Variants in MITF observed in about 807,000 individuals in gnomAD.
MITF encodes the protein melanocyte inducing transcription factor.
Under a neutral mutation model 60.5 loss-of-function variants are expected in MITF, and 17 were observed. The ratio of observed to expected loss-of-function variants is 0.28; its 90% CI spans 0.19 to 0.42. The LOEUF is 0.42. MITF is among the 10% of genes least tolerant of loss of function. The pLI, the probability that MITF is intolerant of heterozygous loss-of-function variation, is 1.00. For missense variants in MITF, 622 were observed against 683.5 expected, an observed-to-expected ratio of 0.91 and a Z score of 1.00; for synonymous variants, 260 against 248.5, an observed-to-expected ratio of 1.05 and a Z score of -0.43.
intron 1 of MITF, among the ~76,000 whole-genome samples, chr3:69,867,143 C>A (rs1479448849): frequency 1.3e-5 from 2 of 152,114 alleles, no homozygotes; most frequent in African/African-American, 4.8e-5. Context: ...TCAAGCAAAT[C>A]AACTTATGCA....
At chr3:69,868,401 T>C (rs1177925971) in intron 1 of MITF, among the ~76,000 whole-genome samples, 1 of 152,164 alleles carries the variant, frequency 6.6e-6, no homozygotes, top group South Asian at 2.1e-4. Context: ...CTATTATCTG[T>C]TGTGGTCTGT....
intron 1 of MITF, among the ~76,000 whole-genome samples, chr3:69,843,768 A>T (rs1428906179): frequency 1.3e-5 from 2 of 152,066 alleles, no homozygotes; most frequent in Non-Finnish European, 2.9e-5. Flanking sequence ...TTGTACTTTA[A>T]GTTCTGGGAT....
chr3:69,895,364 A>G (rs745755153), intron 2 of MITF, among the ~76,000 whole-genome samples: 1 of 152,166 alleles, frequency 6.6e-6, no homozygotes, highest in African/African-American at 2.4e-5. Flanking sequence ...TGTTTTGCCA[A>G]TTATAATAAT....
intron 1 of MITF, among the ~76,000 whole-genome samples, chr3:69,783,709 G>A (rs1219935546): frequency 6.6e-6 from 1 of 151,126 alleles, no homozygotes; most frequent in Non-Finnish European, 1.5e-5. Context: ...GTTTTTTTTT[G>A]TTCGTGTATG....
intron 8 of MITF, among the ~76,000 whole-genome samples, chr3:69,957,440 C>A (rs575885302): frequency 1.3e-5 from 2 of 151,946 alleles, no homozygotes; most frequent in Non-Finnish European, 2.9e-5. Flanking sequence ...TAAAATAAAA[C>A]CATTACCTAT....
In MITF at chr3:69,830,720, T is replaced by C. The variant is rs2063432509; in HGVS notation, c.105-48414T>C. Among the ~76,000 whole-genome samples, 7 of 151,942 alleles carry C rather than the reference T, an allele frequency of 4.6e-5. 2 individuals are homozygous for C. In the South Asian group the frequency reaches 1.5e-3, roughly 31 times the overall value. On this transcript the variant is annotated intron_variant, in intron 1 of 9. Transcript: ENST00000352241. Reference sequence around the variant, plus strand: ...GTAAATGAAAAGGGGGTTCAATAAATGAATGAACAGATATGATATCTGTCT... The same window carrying C: ...GTAAATGAAAAGGGGGTTCAATAAACGAATGAACAGATATGATATCTGTCT...
At chr3:69,766,896 C>G (rs1213942199) in intron 1 of MITF, among the ~76,000 whole-genome samples, 1 of 152,186 alleles carries the variant, frequency 6.6e-6, no homozygotes, top group Non-Finnish European at 1.5e-5. Flanking sequence ...TGTACCTTCT[C>G]CTTTTGGATT....
In MITF at chr3:69,938,000, C is replaced by G; in HGVS notation, c.533C>G (p.Pro178Arg). The G allele has an allele frequency of 6.2e-7, 1 of 1,614,178 alleles. No individual in the cohort carries two copies. Among genetic ancestry groups the G allele is most frequent in the African/African-American group, 1.3e-5 (1 of 75,064 alleles). The change falls in exon 3 of 10, where the codon CCC becomes CGC. Residue 178 changes from proline (P) to arginine (R), a missense_variant. Around this residue, in one of 5 missense-constraint regions of MITF, gnomAD observed 215 missense variants for 224.8 expected, o/e 0.96. Transcript: ENST00000352241. ...CCACCGGTGCCGGGGAGCAGCGCAC[C>G]CAACAGCCCCATGGCTATGCTTACG... Reference protein sequence around the residue: ...VMPPVPGSSAPNSPMAMLTLN... With the variant: ...VMPPVPGSSARNSPMAMLTLN...
intron 2 of MITF, among the ~76,000 whole-genome samples, chr3:69,889,254 C>G (rs937525472): frequency 6.6e-6 from 1 of 151,478 alleles, no homozygotes; most frequent in African/African-American, 2.4e-5. Flanking sequence ...TAATCAGGGT[C>G]CCTGTTGAAA....
chr3:69,807,698 G>C (rs1311785029), intron 1 of MITF, among the ~76,000 whole-genome samples: 1 of 152,026 alleles, frequency 6.6e-6, no homozygotes, highest in Non-Finnish European at 1.5e-5. Context: ...CCTTTATTTG[G>C]GTCAAAATGT....
rs569606679 is a variant in MITF at position 69,884,804 on chromosome 3, T to A, written c.354+5421T>A. On this transcript the variant is annotated intron_variant, in intron 2 of 9. Coordinates refer to ENST00000352241, the MANE Select transcript of MITF (RefSeq NM_001354604.2). ...GCTTTTAGTGACTAGTAGCTAGTAA[T>A]GAAATGCTGGCTGCAGAAAGTCATC... 2.0e-5 allele frequency among the ~76,000 whole-genome samples: 3 copies of A among 152,298 alleles called. No homozygotes were observed. The South Asian group carries it at 6.2e-4, about 32-fold the overall frequency.
At chr3:69,927,200 C>A (rs1037760998) in intron 2 of MITF, among the ~76,000 whole-genome samples, 3 of 151,702 alleles carry the variant, frequency 2.0e-5, no homozygotes, top group Non-Finnish European at 2.9e-5. Flanking sequence ...GTGTTTTTAA[C>A]CTGCTTTATG....
intron 2 of MITF, among the ~76,000 whole-genome samples, chr3:69,916,446 T>C (rs1189538612): frequency 6.6e-6 from 1 of 152,198 alleles, no homozygotes; most frequent in African/African-American, 2.4e-5. Context: ...GTATACTTGA[T>C]TTATACCTTT....
chr3:69,895,561 A>G (rs1303915984), intron 2 of MITF, among the ~76,000 whole-genome samples: 2 of 151,940 alleles, frequency 1.3e-5, no homozygotes, highest in East Asian at 1.9e-4. Flanking sequence ...TAAATCCCTA[A>G]TATTAAAATT....
intron 1 of MITF, among the ~76,000 whole-genome samples, chr3:69,871,880 C>T (rs966324344): frequency 6.6e-6 from 1 of 152,056 alleles, no homozygotes; most frequent in African/African-American, 2.4e-5. Flanking sequence ...TTAAAAATTG[C>T]TTTTTCTTTT....
rs72318666 is a variant in MITF at position 69,750,383 on chromosome 3, C to CTT, written c.104+10699_104+10700dup. Among the ~76,000 whole-genome samples the CTT allele has an allele frequency of 4.3e-3, 486 of 113,856 alleles. 4 individuals are homozygous for CTT. Among genetic ancestry groups the CTT allele is most frequent in the African/African-American group, 0.015 (451 of 29,410 alleles). 74.7% of individuals were successfully genotyped at this position (113,856 alleles called of 152,430 possible). ...TTCTAGAGGAAACTATAGAGCTTTC[C>CTT]TTTTTTTTTTTTTTTTTTCCTTTTT... On this transcript the variant is annotated intron_variant, in intron 1 of 9. Transcript: ENST00000352241.
At chr3:69,821,990 G>A (rs1329055988) in intron 1 of MITF, among the ~76,000 whole-genome samples, 1 of 152,130 alleles carries the variant, frequency 6.6e-6, no homozygotes, top group African/African-American at 2.4e-5. Context: ...TGTTCCACCC[G>A]CCTTGGCCTC....
chr3:69,783,044 G>A (rs2062591152), intron 1 of MITF, among the ~76,000 whole-genome samples: 1 of 152,134 alleles, frequency 6.6e-6, no homozygotes, highest in Non-Finnish European at 1.5e-5. Context: ...TGTAGGATGA[G>A]AGGAACAGAC....
intron 1 of MITF, among the ~76,000 whole-genome samples, chr3:69,750,993 A>G (rs1703916867): frequency 6.6e-6 from 1 of 152,172 alleles, no homozygotes. Flanking sequence ...TCTTGGTTGT[A>G]TAATGTGATC....
Sources: allele counts gnomAD v4.1 joint callset (sites outside exome capture counted in the v4.1 genomes callset), GRCh38; gene constraint gnomAD v4.1.1; regional missense constraint gnomAD v4.1.1; transcripts MANE v1.5; gene names NCBI Gene and HGNC (gene_info 2026-07-23, HGNC 2026-07-21).